The following HHAT variants were observed in gnomAD, a reference collection of about 807,000 sequenced individuals.
HHAT encodes hedgehog acyltransferase, also known as protein-cysteine N-palmitoyltransferase HHAT.
HHAT carries 47 observed loss-of-function variants against 70.8 expected under a neutral mutation model. That is an observed-to-expected ratio of 0.66 (90% CI 0.53 to 0.85). The LOEUF (loss-of-function observed/expected upper bound fraction) is 0.85, where lower values mean the gene tolerates loss of function less well. Ranked by LOEUF, HHAT falls within the 40% of genes least tolerant of loss-of-function variation. The pLI is 0.00. For missense variants in HHAT, 609 were observed against 604.8 expected (o/e 1.01, Z -0.07); for synonymous variants, 228 against 247.6 (o/e 0.92, Z 0.74).
chr1:210,533,730 T>C (rs988770609), intron 9 of HHAT, among the ~76,000 whole-genome samples: 2 of 152,226 alleles, frequency 1.3e-5, no homozygotes, highest in African/African-American at 2.4e-5. Flanking sequence ...ATGGGTTCTG[T>C]AGTCCTGCCA....
At chr1:210,396,878 G>A (rs1182740334) in intron 4 of HHAT, among the ~76,000 whole-genome samples, 5 of 152,190 alleles carry the variant, frequency 3.3e-5, no homozygotes, top group Admixed American at 6.5e-5. Context: ...TTAGGGATGG[G>A]GGTGATCAGA....
At chr1:210,594,890 G>GA (rs918422473) in intron 10 of HHAT, among the ~76,000 whole-genome samples, 18 of 152,016 alleles carry the variant, frequency 1.2e-4, no homozygotes, top group African/African-American at 3.9e-4. Context: ...GGTTTCCATT[G>GA]AAAAATCTTC....
At chr1:210,514,271 C>T (rs965219436) in intron 9 of HHAT, among the ~76,000 whole-genome samples, 1 of 152,218 alleles carries the variant, frequency 6.6e-6, no homozygotes, top group Admixed American at 6.5e-5. Flanking sequence ...CCCCCATACT[C>T]AAGGAATAAG....
At chr1:210,510,368 A>T (rs1050520864) in intron 8 of HHAT, among the ~76,000 whole-genome samples, 1 of 152,190 alleles carries the variant, frequency 6.6e-6, no homozygotes, top group East Asian at 1.9e-4. Flanking sequence ...CTTATTTTTT[A>T]AAAACTGATA....
intron 7 of HHAT, among the ~76,000 whole-genome samples, chr1:210,451,692 C>T (rs1408366412): frequency 6.6e-6 from 1 of 152,146 alleles, no homozygotes; most frequent in Non-Finnish European, 1.5e-5. Flanking sequence ...GATCCTCCCA[C>T]CTCAGCCTCT....
chr1:210,497,966 A>G (rs2094682573), intron 8 of HHAT, among the ~76,000 whole-genome samples: 1 of 152,096 alleles, frequency 6.6e-6, no homozygotes, highest in Non-Finnish European at 1.5e-5. Context: ...AATGTTGGCC[A>G]GGATGGTCTC....
intron 8 of HHAT, among the ~76,000 whole-genome samples, chr1:210,507,935 C>T (rs546863404): frequency 1.3e-5 from 2 of 151,884 alleles, no homozygotes; most frequent in Non-Finnish European, 2.9e-5. Context: ...CATGGTGGCT[C>T]ATGCCTGTAA....
At chr1:210,332,034 G>T (rs929042473) in intron 1 of HHAT, among the ~76,000 whole-genome samples, 2 of 152,208 alleles carry the variant, frequency 1.3e-5, no homozygotes, top group Non-Finnish European at 2.9e-5. Context: ...ACAGATGTGA[G>T]TTAAGGGCAT....
intron 10 of HHAT, among the ~76,000 whole-genome samples, chr1:210,622,926 G>GT (rs1669133897): frequency 6.6e-6 from 1 of 152,196 alleles, no homozygotes; most frequent in Non-Finnish European, 1.5e-5. Flanking sequence ...GCAAGTGGAG[G>GT]TGGGAGGGCT....
intron 6 of HHAT, among the ~76,000 whole-genome samples, chr1:210,414,693 A>G (rs72745472): frequency 0.19 from 28,204 of 152,018 alleles, 3,125 homozygotes; most frequent in Admixed American, 0.34. Flanking sequence ...ACAACATTGT[A>G]AGATCACATT....
chr1:210,425,147 T>C (rs1012672532), intron 7 of HHAT, among the ~76,000 whole-genome samples: 7 of 152,238 alleles, frequency 4.6e-5, no homozygotes, highest in African/African-American at 1.7e-4. Context: ...CACATGTATG[T>C]CTTCTTTTGG....
At chr1:210,584,757 C>G (rs923497051) in intron 9 of HHAT, among the ~76,000 whole-genome samples, 2 of 152,220 alleles carry the variant, frequency 1.3e-5, no homozygotes, top group Non-Finnish European at 2.9e-5. Context: ...TTCTCCCCTG[C>G]ACTCTGGAAC....
At chr1:210,481,330 T>C (rs543582633) in intron 8 of HHAT, among the ~76,000 whole-genome samples, 88 of 152,300 alleles carry the variant, frequency 5.8e-4, no homozygotes, top group African/African-American at 1.8e-3. Context: ...GATGCCTTCT[T>C]TACCATATGT....
chr1:210,363,746 AAT>A (rs1217553863), intron 3 of HHAT, among the ~76,000 whole-genome samples: 3 of 152,148 alleles, frequency 2.0e-5, no homozygotes, highest in Non-Finnish European at 4.4e-5. Flanking sequence ...ATGTTTTTAA[AAT>A]GTTATCAGAG....
At chr1:210,444,622 GT>G (rs2093596604) in intron 7 of HHAT, among the ~76,000 whole-genome samples, 3 of 151,948 alleles carry the variant, frequency 2.0e-5, no homozygotes, top group African/African-American at 7.3e-5. Context: ...AGATTTTCTA[GT>G]TTAATTGCGT....
At chr1:210,628,963 T>C (rs1247097870) in intron 11 of HHAT, among the ~76,000 whole-genome samples, 1 of 152,228 alleles carries the variant, frequency 6.6e-6, no homozygotes, top group Non-Finnish European at 1.5e-5. Flanking sequence ...TGTTTCGCGG[T>C]CTTTCCTAGC....
intron 8 of HHAT, among the ~76,000 whole-genome samples, chr1:210,491,063 TAGTG>T (rs1383458584): frequency 6.8e-6 from 1 of 146,870 alleles, no homozygotes; most frequent in Non-Finnish European, 1.5e-5. Flanking sequence ...CACACACACA[TAGTG>T]TGTGTGTGTG....
intron 3 of HHAT, among the ~76,000 whole-genome samples, chr1:210,381,159 T>A (rs762291077): frequency 5.3e-5 from 8 of 152,082 alleles, no homozygotes; most frequent in Non-Finnish European, 7.4e-5. Context: ...TCCAAGACTT[T>A]CCTGGATAAC....
chr1:210,415,880 A>C (rs867672942), intron 6 of HHAT, among the ~76,000 whole-genome samples: 1 of 152,024 alleles, frequency 6.6e-6, no homozygotes, highest in Non-Finnish European at 1.5e-5. Flanking sequence ...GCTGGTCTTG[A>C]ACTCCTGACC....
Sources: allele counts gnomAD v4.1 joint callset (sites outside exome capture counted in the v4.1 genomes callset), GRCh38; gene constraint gnomAD v4.1.1; transcripts MANE v1.5; gene names NCBI Gene and HGNC (gene_info 2026-07-23, HGNC 2026-07-21).